The following CRTC3 variants were observed in gnomAD, a reference collection of about 807,000 sequenced individuals.
CRTC3 encodes CREB regulated transcription coactivator 3.
A neutral mutation model predicts 74.5 loss-of-function variants in CRTC3; 26 were observed. The ratio of observed to expected loss-of-function variants is 0.35; its 90% CI spans 0.26 to 0.48. The LOEUF (loss-of-function observed/expected upper bound fraction) is 0.48. Among genes scored for constraint, CRTC3 ranks in the 20% least tolerant of loss-of-function variants. The pLI is 0.99. For synonymous variants in CRTC3, 377 were observed against 325.8 expected (o/e 1.16, Z -1.69); for missense variants, 760 against 787.3 (o/e 0.97, Z 0.41).
intron 7 of CRTC3, 57 bp downstream of exon 7, chr15:90,614,545 C>A: frequency 3.7e-6 from 4 of 1,075,140 alleles, no homozygotes; most frequent in Non-Finnish European, 5.7e-6. Flanking sequence ...GTGGACATAA[C>A]CTTTCAATAC....
intron 9 of CRTC3, among the ~76,000 whole-genome samples, chr15:90,622,210 G>C (rs1013059360): frequency 6.6e-6 from 1 of 152,076 alleles, no homozygotes; most frequent in Non-Finnish European, 1.5e-5. Context: ...GTCTTGAACC[G>C]GGGGGCGCAT....
intron 3 of CRTC3, among the ~76,000 whole-genome samples, chr15:90,596,841 A>G: frequency 6.6e-6 from 1 of 152,248 alleles, no homozygotes; most frequent in Admixed American, 6.5e-5. Context: ...TCTTTGTTAG[A>G]ACAAAAGGAA....
At chr15:90,545,311 G>A (rs767159584) in intron 2 of CRTC3, among the ~76,000 whole-genome samples, 2 of 152,058 alleles carry the variant, frequency 1.3e-5, no homozygotes, top group African/African-American at 2.4e-5. Flanking sequence ...ACATGGGTGT[G>A]CAAATATCTC....
At chr15:90,599,398 T>G (rs1314524593) in intron 3 of CRTC3, 1 of 152,228 alleles carries the variant, frequency 6.6e-6, no homozygotes, top group Non-Finnish European at 1.5e-5. Flanking sequence ...AATTCAAGTT[T>G]ATAAATAAGA....
At chr15:90,602,812 A>G (rs1349000935) in intron 4 of CRTC3, among the ~76,000 whole-genome samples, 1 of 151,582 alleles carries the variant, frequency 6.6e-6, no homozygotes, top group Non-Finnish European at 1.5e-5. Flanking sequence ...CGTCTCTACT[A>G]AAAATACAAA....
chr15:90,564,577 T>C (rs1409845755), intron 2 of CRTC3, among the ~76,000 whole-genome samples: 2 of 152,196 alleles, frequency 1.3e-5, no homozygotes, highest in African/African-American at 4.8e-5. Context: ...CTGCAGTTAC[T>C]ACTGATGTTC....
rs142404547 is a variant in CRTC3 at position 90,535,434 on chromosome 15, C to T, written c.133-4605C>T. Among the ~76,000 whole-genome samples the T allele has an allele frequency of 8.6e-3, 1,310 of 152,178 alleles. 19 individuals carry two copies. The highest frequency in any genetic ancestry group is 0.029 in the African/African-American group (1,205 of 41,516). Reference sequence around the variant, plus strand: ...CATCAGAGGAGGTCATCAGTAACCTCGGTGAGAGATGCTGTATTCTCAGGG... The same window carrying T: ...CATCAGAGGAGGTCATCAGTAACCTTGGTGAGAGATGCTGTATTCTCAGGG... On this transcript the variant is annotated intron_variant, in intron 1 of 14. Coordinates refer to ENST00000268184, the MANE Select transcript of CRTC3 (RefSeq NM_022769.5).
At chr15:90,582,859 C>G (rs1967575328) in intron 2 of CRTC3, among the ~76,000 whole-genome samples, 1 of 152,194 alleles carries the variant, frequency 6.6e-6, no homozygotes, top group South Asian at 2.1e-4. Flanking sequence ...TGCTTACAGC[C>G]TGCTCCATCA....
At chr15:90,536,953 G>T (rs1039333255) in intron 1 of CRTC3, among the ~76,000 whole-genome samples, 1 of 152,178 alleles carries the variant, frequency 6.6e-6, no homozygotes, top group African/African-American at 2.4e-5. Flanking sequence ...TTTTTATGCA[G>T]TGTCCTGATT....
At chr15:90,587,231 C>T (rs1218681113) in intron 2 of CRTC3, among the ~76,000 whole-genome samples, 1 of 152,194 alleles carries the variant, frequency 6.6e-6, no homozygotes, top group African/African-American at 2.4e-5. Flanking sequence ...CTACACGTAA[C>T]TGATATCTCA....
chr15:90,638,563 C>G lies in CRTC3; in HGVS notation c.1384C>G (p.Pro462Ala). The change falls in exon 12 of 15, where the codon CCC becomes GCC. Residue 462 changes from proline to alanine, a missense_variant. Physicochemically the swap from Pro to Ala is conservative, Grantham distance 27 (BLOSUM62 -1). Around this residue, in one of 2 missense-constraint regions of CRTC3, gnomAD observed 652 missense variants for 635.2 expected, o/e 1.03. Coordinates refer to ENST00000268184, the MANE Select transcript of CRTC3 (RefSeq NM_022769.5). ...GCTCACCCAGCCCCTCCTGCAGCAG[C>G]CCCGCGCCCCTGAGGCCCCTGCCCA... ...QELTQPLLQQ[P>A]RAPEAPAQQP... 5 of 1,613,150 alleles carry G rather than the reference C, an allele frequency of 3.1e-6. No homozygotes were observed. The highest frequency in any genetic ancestry group is 4.2e-6 in the Non-Finnish European group (5 of 1,179,858).
chr15:90,629,378 A>C lies in CRTC3; in HGVS notation c.1112A>C (p.Asn371Thr), dbSNP rs751339548. Reference sequence around the variant, plus strand: ...TCGCTCCGTCTGTTTTCCCTTAGCAACCCATCTCTTTCCACCACAAACCTG... The same window carrying C: ...TCGCTCCGTCTGTTTTCCCTTAGCACCCCATCTCTTTCCACCACAAACCTG... ...HPSLRLFSLS[N>T]PSLSTTNLSG... is the part of the protein sequence containing the mutation. The change falls in exon 11 of 15, where the codon AAC becomes ACC. Residue 371 changes from asparagine to threonine, a missense_variant. Physicochemically the swap from Asn to Thr is moderately conservative, Grantham distance 65. Coordinates refer to ENST00000268184, the MANE Select transcript of CRTC3 (RefSeq NM_022769.5). 6.2e-7 allele frequency: 1 copy of C among 1,611,814 alleles called. No individual in the cohort carries two copies.
In CRTC3 at chr15:90,642,369, A is replaced by G. The variant is rs188824286; in HGVS notation, c.*229A>G. ...TGGCCAAAGTCGTGTTGCAGCAGGC[A>G]GGCTGCTTGGAGCTTCCCATGAACT... On this transcript the variant is annotated 3_prime_UTR_variant, in exon 15 of 15. Transcript: ENST00000268184. 9.6e-4 allele frequency: 538 copies of G among 561,310 alleles called. 2 individuals are homozygous for G. Among genetic ancestry groups the G allele is most frequent in the African/African-American group, 9.1e-3 (485 of 53,396 alleles). The allele number at this position is 561,310 out of a possible 1,614,324, so 34.8% of individuals were successfully genotyped here.
At chr15:90,598,877 C>CT (rs1335269690) in intron 3 of CRTC3, 8 of 222,876 alleles carry the variant, frequency 3.6e-5, no homozygotes, top group Non-Finnish European at 7.3e-5. Flanking sequence ...AAGACGGGCA[C>CT]TGGCCCTGAG....
At chr15:90,550,443 TG>T (rs1226263907) in intron 2 of CRTC3, among the ~76,000 whole-genome samples, 27 of 58,118 alleles carry the variant, frequency 4.6e-4, no homozygotes, top group Admixed American at 2.1e-3. Context: ...TATTTTCCTT[TG>T]CCTGTTTTTT....
chr15:90,603,854 C>A (rs1968148150), intron 4 of CRTC3, among the ~76,000 whole-genome samples: 1 of 152,058 alleles, frequency 6.6e-6, no homozygotes, highest in Admixed American at 6.6e-5. Context: ...TTTCAGCTGC[C>A]CTCAAGAATC....
chr15:90,598,502 A>G (rs1294163508), intron 3 of CRTC3: 4 of 702,868 alleles, frequency 5.7e-6, no homozygotes, highest in South Asian at 3.0e-5. Context: ...TAACTCGAGG[A>G]GGAAGATTTT....
At chr15:90,634,632 G>A in intron 11 of CRTC3, 1 of 520,784 alleles carries the variant, frequency 1.9e-6, no homozygotes, top group Non-Finnish European at 3.5e-6. Context: ...GTGATCCTCA[G>A]TGCTCTGCTC....
chr15:90,568,063 A>G (rs1447875408), intron 2 of CRTC3, among the ~76,000 whole-genome samples: 1 of 152,168 alleles, frequency 6.6e-6, no homozygotes, highest in Non-Finnish European at 1.5e-5. Context: ...TTCTAACCCT[A>G]TTGGATGACT....
Sources: allele counts gnomAD v4.1 joint callset (sites outside exome capture counted in the v4.1 genomes callset), GRCh38; gene constraint gnomAD v4.1.1; regional missense constraint gnomAD v4.1.1; transcripts MANE v1.5; gene names NCBI Gene and HGNC (gene_info 2026-07-23, HGNC 2026-07-21).